Variants in NGF observed in about 807,000 individuals in gnomAD.
The protein encoded by NGF is beta-nerve growth factor.
A neutral mutation model predicts 12.8 loss-of-function variants in NGF; 4 were observed. The observed-to-expected ratio is 0.31, with a 90% CI of 0.15 to 0.72. The LOEUF (loss-of-function observed/expected upper bound fraction) is 0.72, where lower values mean the gene tolerates loss of function less well. Among genes scored for constraint, NGF ranks in the 30% least tolerant of loss-of-function variants. The pLI, the probability that NGF is intolerant of heterozygous loss-of-function variation, is 0.69. For missense variants in NGF, 283 were observed against 330.8 expected, an observed-to-expected ratio of 0.86 and a Z score of 1.12; for synonymous variants, 140 against 130.0, an observed-to-expected ratio of 1.08 and a Z score of -0.52.
In NGF at chr1:115,285,917, T is replaced by G. The variant is rs1653481427; in HGVS notation, c.*153A>C. The G allele has an allele frequency of 1.3e-5, 14 of 1,103,480 alleles. No homozygotes were observed. The South Asian group carries it at 1.7e-4, about 13-fold the overall frequency. 68.4% of individuals were successfully genotyped at this position (1,103,480 alleles called of 1,614,324 possible). On this transcript the variant is annotated 3_prime_UTR_variant, in exon 3 of 3. Transcript: ENST00000369512. The stretch of plus-strand genomic sequence containing the variant: ...AAATAACCAGCATCAGCACACAGGA[T>G]GCTTCCAAAAATTTAATAAATAATG...
chr1:115,286,042 G>A lies in NGF; in HGVS notation c.*28C>T. Reference sequence around the variant, plus strand: ...GGAGGGGCCCAGGAGAGTGTAGAAGGGGCAGGGGGAGGGAGCGTGTCGGCA... The same window carrying A: ...GGAGGGGCCCAGGAGAGTGTAGAAGAGGCAGGGGGAGGGAGCGTGTCGGCA... On this transcript the variant is annotated 3_prime_UTR_variant, in exon 3 of 3. Transcript: ENST00000369512. 1.2e-6 allele frequency: 2 copies of A among 1,611,650 alleles called. No homozygotes were observed. The highest frequency in any genetic ancestry group is 1.7e-6 in the Non-Finnish European group (2 of 1,179,166).
intron 1 of NGF, among the ~76,000 whole-genome samples, chr1:115,331,849 C>T (rs1654930056): frequency 6.6e-6 from 1 of 152,168 alleles, no homozygotes. Flanking sequence ...CCCCAGAGTG[C>T]CCAGTGTCCC....
chr1:115,288,517 C>G (rs1375619683), intron 2 of NGF, among the ~76,000 whole-genome samples: 1 of 152,176 alleles, frequency 6.6e-6, no homozygotes, highest in Non-Finnish European at 1.5e-5. Context: ...TTACCTCTCT[C>G]AGACCTCCTT....
intron 1 of NGF, among the ~76,000 whole-genome samples, chr1:115,304,417 GC>G (rs1275408466): frequency 6.8e-6 from 1 of 147,612 alleles, no homozygotes; most frequent in Non-Finnish European, 1.5e-5. Context: ...CAGGTGATCC[GC>G]CCACCTCGGC....
intron 1 of NGF, among the ~76,000 whole-genome samples, chr1:115,306,870 G>A (rs1166773926): frequency 6.6e-6 from 1 of 152,192 alleles, no homozygotes; most frequent in African/African-American, 2.4e-5. Flanking sequence ...ACATCAGAAG[G>A]GCACACCATG....
intron 1 of NGF, among the ~76,000 whole-genome samples, chr1:115,325,148 T>G (rs1654738709): frequency 6.6e-6 from 1 of 151,900 alleles, no homozygotes; most frequent in South Asian, 2.1e-4. Flanking sequence ...TGAAGATCTG[T>G]GGGTAGGAGT....
At chr1:115,292,765 CT>C (rs1357318192) in intron 2 of NGF, among the ~76,000 whole-genome samples, 1 of 152,164 alleles carries the variant, frequency 6.6e-6, no homozygotes, top group Non-Finnish European at 1.5e-5. Flanking sequence ...TAAGTTTTAC[CT>C]TCCTGATGCC....
intron 1 of NGF, among the ~76,000 whole-genome samples, chr1:115,325,687 C>T (rs780941793): frequency 2.0e-5 from 3 of 152,092 alleles, no homozygotes; most frequent in Admixed American, 1.3e-4. Flanking sequence ...AAAACAACAG[C>T]AGAGGCAGGA....
At chr1:115,318,816 T>C (rs1654541278) in intron 1 of NGF, among the ~76,000 whole-genome samples, 1 of 152,086 alleles carries the variant, frequency 6.6e-6, no homozygotes, top group African/African-American at 2.4e-5. Flanking sequence ...CTCCCAAACA[T>C]GCAGCTGACA....
chr1:115,286,519 G>T lies in NGF; in HGVS notation c.277C>A (p.Pro93Thr), dbSNP rs1653508457. 6.2e-7 allele frequency: 1 copy of T among 1,614,184 alleles called. No individual in the cohort carries two copies. The highest frequency in any genetic ancestry group is 2.2e-5 in the East Asian group (1 of 44,866). ...RSPRVLFSTQ[P>T]PREAADTQDL... ...TGAGTGTCTGCAGCTTCACGGGGAG[G>T]CTGGGTGCTAAACAGCACACGGGGT... The change falls in exon 3 of 3, where the codon CCT becomes ACT. Residue 93 changes from proline (P) to threonine (T), a missense_variant. Transcript: ENST00000369512.
chr1:115,318,564 C>T (rs1489771050), intron 1 of NGF, among the ~76,000 whole-genome samples: 1 of 152,194 alleles, frequency 6.6e-6, no homozygotes, highest in Non-Finnish European at 1.5e-5. Context: ...TCTTCATGTC[C>T]ACCCACCTTC....
chr1:115,289,972 T>A (rs890925842), intron 2 of NGF, among the ~76,000 whole-genome samples: 11 of 152,242 alleles, frequency 7.2e-5, no homozygotes, highest in Admixed American at 2.6e-4. Context: ...TCCCACCTGA[T>A]ATCCTGGACC....
In NGF at chr1:115,286,368, A is replaced by G. The variant is rs758273427; in HGVS notation, c.428T>C (p.Val143Ala). The change falls in exon 3 of 3, where the codon GTT becomes GCT. Residue 143 changes from valine to alanine, a missense_variant. By Grantham distance (64) the Val-to-Ala change is moderately conservative. Transcript: ENST00000369512. Reference protein sequence around the residue: ...FSVCDSVSVWVGDKTTATDIK... With the variant: ...FSVCDSVSVWAGDKTTATDIK... ...GTCTGTGGCGGTGGTCTTATCCCCA[A>G]CCCACACGCTGACACTGTCACACAC... 22 of 1,613,650 alleles carry G rather than the reference A, an allele frequency of 1.4e-5. 1 individual carries two copies. The Admixed American group carries it at 3.0e-4, about 22-fold the overall frequency.
At chr1:115,304,731 C>T (rs929420342) in intron 1 of NGF, among the ~76,000 whole-genome samples, 7 of 152,274 alleles carry the variant, frequency 4.6e-5, no homozygotes, top group East Asian at 1.9e-4. Context: ...ATGGCAGCAA[C>T]GACTCCCACT....
chr1:115,297,061 GTTTCATGC>G (rs1415736168), intron 1 of NGF, among the ~76,000 whole-genome samples: 1 of 151,570 alleles, frequency 6.6e-6, no homozygotes, highest in African/African-American at 2.4e-5. Context: ...CCTGTCCTGG[GTTTCATGC>G]TTTAAAGCAG....
chr1:115,302,405 A>G (rs1322591888), intron 1 of NGF, among the ~76,000 whole-genome samples: 3 of 152,120 alleles, frequency 2.0e-5, no homozygotes, highest in Non-Finnish European at 4.4e-5. Flanking sequence ...CTTGTCCAGA[A>G]TTTCCTTGGA....
rs117571000 is a variant in NGF at position 115,329,617 on chromosome 1, C to T, written c.-137+8587G>A. ...AACAAAAGTTTCATAAAAATTTTCC[C>T]TTGCTATATCCAATGCATATTAATT... On this transcript the variant is annotated intron_variant, in intron 1 of 2. Transcript: ENST00000369512. Among the ~76,000 whole-genome samples, 129 of 152,276 alleles carry T rather than the reference C, an allele frequency of 8.5e-4. 1 individual carries two copies. In the East Asian group the frequency reaches 0.024, roughly 28 times the overall value.
Position 115,286,559 on chromosome 1 carries a change from C to T in NGF, c.237G>A (p.Lys79=). The stretch of plus-strand genomic sequence containing the variant: ...GCACACGGGGTGAACGGAGTCGCCG[C>T]TTTTTAAACAGCCTGGGGTCCACAG... The part of the protein sequence containing the change: ...NITVDPRLFK[K]RRLRSPRVLF... Residue 79 remains lysine (K), a synonymous_variant, in exon 3 of 3, where the codon AAG becomes AAA. Coordinates refer to ENST00000369512, the MANE Select transcript of NGF (RefSeq NM_002506.3). The T allele has an allele frequency of 6.2e-7, 1 of 1,614,218 alleles. No individual in the cohort carries two copies. The highest frequency in any genetic ancestry group is 1.1e-5 in the South Asian group (1 of 91,074).
At position 115,333,810 on chromosome 1, in the gene NGF, T is replaced by C. The variant is rs538291941; in HGVS notation, c.-137+4394A>G. 4.9e-3 allele frequency among the ~76,000 whole-genome samples: 603 copies of C among 123,904 alleles called. 12 individuals are homozygous for C. Among genetic ancestry groups the C allele is most frequent in the African/African-American group, 0.021 (582 of 27,108 alleles). 81.3% of individuals were successfully genotyped at this position (123,904 alleles called of 152,430 possible). A position where few individuals can be genotyped will look rare whatever the true frequency, so the allele number is the denominator to read the frequency against. On this transcript the variant is annotated intron_variant, in intron 1 of 2. Coordinates refer to ENST00000369512, the MANE Select transcript of NGF (RefSeq NM_002506.3). ...CTTTCTTTTCTTTCTTTCTTTCTCT[T>C]TTTCTTTCTTTCTCTCTTCTCTCTC...
Sources: gnomAD v4.1 joint callset for allele counts (sites outside exome capture counted in the v4.1 genomes callset) on GRCh38, gnomAD v4.1.1 for gene constraint, MANE v1.5 for transcripts, NCBI Gene and HGNC (gene_info 2026-07-23, HGNC 2026-07-21) for gene names.